Variants in AP1S3 observed in about 807,000 individuals in gnomAD.
The protein encoded by AP1S3 is adaptor related protein complex 1 subunit sigma 3.
AP1S3 carries 10 observed loss-of-function variants against 20.9 expected under a neutral mutation model. The ratio of observed to expected loss-of-function variants is 0.48; its 90% confidence interval spans 0.29 to 0.81. AP1S3 has a LOEUF of 0.81. AP1S3 is among the 30% of genes least tolerant of loss of function. The pLI, the probability that AP1S3 is intolerant of heterozygous loss-of-function variation, is 0.08. For missense variants in AP1S3, 154 were observed against 183.8 expected, an observed-to-expected ratio of 0.84 and a Z score of 0.94; for synonymous variants, 41 against 61.5, an observed-to-expected ratio of 0.67 and a Z score of 1.56.
Position 223,828,400 on chromosome 2 carries a change from G to A in AP1S3, c.3+9048C>T, listed in dbSNP as rs1480848191. On this transcript the variant is annotated intron_variant, in intron 1 of 4. Transcript: ENST00000396654. ...CAACCTCTGCCTCCCAGGCTCAAGC[G>A]ATTCTCTTGCCTCAGCCTCCCGAGT... is the stretch of plus-strand genomic sequence containing the variant. 4.7e-5 allele frequency among the ~76,000 whole-genome samples: 7 copies of A among 150,414 alleles called. 1 individual carries two copies. The highest frequency in any genetic ancestry group is 1.2e-4 in the African/African-American group (5 of 40,932).
At chr2:223,831,913 A>G (rs544251798) in intron 1 of AP1S3, among the ~76,000 whole-genome samples, 1 of 152,072 alleles carries the variant, frequency 6.6e-6, no homozygotes, top group South Asian at 2.1e-4. Flanking sequence ...CATCTCCATT[A>G]AAAATACAAA....
chr2:223,765,221 ACATAT>A lies in AP1S3; in HGVS notation c.416_420del (p.Asp139ValfsTer51), dbSNP rs1320662355. The A allele has an allele frequency of 6.2e-7, 1 of 1,613,824 alleles. No individual in the cohort carries two copies. Among genetic ancestry groups the A allele is most frequent in the Non-Finnish European group, 8.5e-7 (1 of 1,179,996 alleles). On this transcript the variant is annotated frameshift_variant, in exon 4 of 5. Coordinates refer to ENST00000396654, the MANE Select transcript of AP1S3 (RefSeq NM_001039569.2). LOFTEE classifies it high-confidence loss of function. Reference sequence around the variant, plus strand: ...TGGGAAACCGTACTGACCTCCTGTAACATATCAGAGTCTTCAATGGCTTTGACAGC... The same window carrying A: ...TGGGAAACCGTACTGACCTCCTGTAACAGAGTCTTCAATGGCTTTGACAGC...
intron 1 of AP1S3, among the ~76,000 whole-genome samples, chr2:223,791,943 G>A (rs995112679): frequency 1.2e-4 from 18 of 151,792 alleles, no homozygotes; most frequent in Admixed American, 1.3e-4. Flanking sequence ...TGCCACAAAA[G>A]GAATAAAATA....
chr2:223,832,780 T>G (rs16865257), intron 1 of AP1S3, among the ~76,000 whole-genome samples: 20,884 of 150,580 alleles, frequency 0.14, 2,012 homozygotes, highest in East Asian at 0.41. Flanking sequence ...GAGATTAAAA[T>G]GAACAAAGGA....
intron 1 of AP1S3, among the ~76,000 whole-genome samples, chr2:223,790,562 T>C (rs907925971): frequency 2.6e-5 from 4 of 152,144 alleles, no homozygotes; most frequent in African/African-American, 9.7e-5. Flanking sequence ...ATGTAGTTTT[T>C]TTTCAACCTG....
chr2:223,767,936 C>T lies in AP1S3; in HGVS notation c.292-2586G>A, dbSNP rs931940709. On this transcript the variant is annotated intron_variant, in intron 3 of 4. Transcript: ENST00000396654. ...ATTGTCTAAATAAGTCCCTACCCTT[C>T]CTGTCTTCTCTGCTTTCACAGCTGC... Among the ~76,000 whole-genome samples, 6 of 152,158 alleles carry T rather than the reference C, an allele frequency of 3.9e-5. No homozygotes were observed. In the East Asian group the frequency reaches 1.2e-3, roughly 29 times the overall value.
intron 3 of AP1S3, 98 bp from the exon 4 acceptor site, chr2:223,765,448 G>C: frequency 7.8e-7 from 1 of 1,279,848 alleles, no homozygotes; most frequent in Non-Finnish European, 1.1e-6. Context: ...CTCATGTGGC[G>C]TACCAAAAAT....
chr2:223,776,109 C>CCT (rs1390155163), intron 2 of AP1S3, 100 bp from the exon 3 acceptor site: 1 of 806,592 alleles, frequency 1.2e-6, no homozygotes, highest in Admixed American at 2.0e-5. Flanking sequence ...CCCCGCCGAG[C>CCT]CTCTCCTCAT....
intron 3 of AP1S3, among the ~76,000 whole-genome samples, chr2:223,775,398 A>T (rs1690759958): frequency 6.6e-6 from 1 of 152,264 alleles, no homozygotes; most frequent in Admixed American, 6.5e-5. Flanking sequence ...CAGAGAAAGG[A>T]TAAAAAGTCA....
intron 3 of AP1S3, among the ~76,000 whole-genome samples, chr2:223,775,304 A>C (rs897786113): frequency 4.6e-5 from 7 of 152,244 alleles, no homozygotes; most frequent in African/African-American, 1.7e-4. Flanking sequence ...TAGCAATGTG[A>C]AGGAAAAGGA....
intron 1 of AP1S3, among the ~76,000 whole-genome samples, chr2:223,787,607 C>A (rs1443161446): frequency 6.6e-6 from 1 of 152,204 alleles, no homozygotes; most frequent in South Asian, 2.1e-4. Flanking sequence ...TACTTGGGGG[C>A]ACCATGTCCC....
chr2:223,808,047 G>A (rs964293957), intron 1 of AP1S3, among the ~76,000 whole-genome samples: 13 of 151,494 alleles, frequency 8.6e-5, no homozygotes, highest in African/African-American at 2.2e-4. Flanking sequence ...AGATCACCAC[G>A]CCCAGCTAAT....
intron 1 of AP1S3, among the ~76,000 whole-genome samples, chr2:223,837,119 A>C (rs764654900): frequency 6.6e-6 from 1 of 151,950 alleles, no homozygotes; most frequent in Non-Finnish European, 1.5e-5. Context: ...CTTCCTGGAG[A>C]ACAGGGGCTC....
intron 1 of AP1S3, among the ~76,000 whole-genome samples, chr2:223,781,182 C>T (rs1001156989): frequency 1.3e-5 from 2 of 151,880 alleles, no homozygotes; most frequent in African/African-American, 4.8e-5. Flanking sequence ...TTTCTTTATC[C>T]ATTCCACCAT....
intron 1 of AP1S3, among the ~76,000 whole-genome samples, chr2:223,822,252 G>C (rs1386647347): frequency 6.6e-6 from 1 of 151,924 alleles, no homozygotes; most frequent in African/African-American, 2.4e-5. Flanking sequence ...AATGAGCTGG[G>C]CATGGTGTCA....
intron 4 of AP1S3, among the ~76,000 whole-genome samples, chr2:223,762,702 C>A (rs11897415): frequency 0.19 from 29,469 of 152,158 alleles, 5,038 homozygotes; most frequent in African/African-American, 0.44. Context: ...ACCACACGCT[C>A]AGAATAAGCT....
chr2:223,789,186 C>T (rs189572314), intron 1 of AP1S3, among the ~76,000 whole-genome samples: 5 of 151,082 alleles, frequency 3.3e-5, no homozygotes, highest in African/African-American at 7.3e-5. Context: ...GAACAAATTG[C>T]TACACACACA....
intron 3 of AP1S3, among the ~76,000 whole-genome samples, chr2:223,768,248 A>G (rs6436432): frequency 0.26 from 39,290 of 152,010 alleles, 8,318 homozygotes; most frequent in East Asian, 0.58. Flanking sequence ...ACAATTCTTG[A>G]ATTGTGTCCC....
At chr2:223,830,492 A>AG (rs1320984446) in intron 1 of AP1S3, among the ~76,000 whole-genome samples, 1 of 151,946 alleles carries the variant, frequency 6.6e-6, no homozygotes, top group Non-Finnish European at 1.5e-5. Flanking sequence ...AAAAAAAAAA[A>AG]AAAAATTATC....
Sources: gnomAD v4.1 joint callset for allele counts (sites outside exome capture counted in the v4.1 genomes callset) on GRCh38, gnomAD v4.1.1 for gene constraint, MANE v1.5 for transcripts, NCBI Gene and HGNC (gene_info 2026-07-23, HGNC 2026-07-21) for gene names.